The following COLQ variants were observed in gnomAD, a reference collection of about 807,000 sequenced individuals.
COLQ encodes acetylcholinesterase collagenic tail peptide.
In COLQ, 48 loss-of-function variants were observed where a neutral mutation model predicts 69.0. That is an observed-to-expected ratio of 0.70 (90% CI 0.55 to 0.88). COLQ has a LOEUF of 0.88. COLQ is among the 40% of genes least tolerant of loss of function. The probability of loss-of-function intolerance (pLI) is 0.00; values close to 1 mark genes in which losing one functional copy is unlikely to be tolerated. For synonymous variants in COLQ, 217 were observed against 211.2 expected, an observed-to-expected ratio of 1.03 and a Z score of -0.24; for missense variants, 618 against 594.6, an observed-to-expected ratio of 1.04 and a Z score of -0.41.
chr3:15,457,391 A>AAAAT (rs2062040201), intron 13 of COLQ, among the ~76,000 whole-genome samples: 1 of 151,958 alleles, frequency 6.6e-6, no homozygotes, highest in Non-Finnish European at 1.5e-5. Context: ...GGTTTACTTC[A>AAAAT]AAATAATACA....
At position 15,451,724 on chromosome 3, in the gene COLQ, C is replaced by A. The variant is rs752568982; in HGVS notation, c.1299-11G>T. Reference sequence around the variant, plus strand: ...AGGTCTCCATATGACCTGAGGGAGGCAAAGACACGTTCTAAAAGGCCACCT... The same window carrying A: ...AGGTCTCCATATGACCTGAGGGAGGAAAAGACACGTTCTAAAAGGCCACCT... On this transcript the variant is annotated splice_polypyrimidine_tract_variant and intron_variant, in intron 16 of 16. Transcript: ENST00000383788. 4 of 1,613,196 alleles carry A rather than the reference C, an allele frequency of 2.5e-6. No individual in the cohort carries two copies. Among genetic ancestry groups the A allele is most frequent in the South Asian group, 1.1e-5 (1 of 91,050 alleles).
chr3:15,458,660 C>A (rs1007459849), intron 12 of COLQ, among the ~76,000 whole-genome samples: 20 of 152,158 alleles, frequency 1.3e-4, no homozygotes, highest in Non-Finnish European at 7.4e-5. Context: ...GGGCCTGGGG[C>A]CCTGACAGTG....
chr3:15,461,700 A>C (rs1031406758), intron 12 of COLQ, among the ~76,000 whole-genome samples: 2 of 152,154 alleles, frequency 1.3e-5, no homozygotes, highest in African/African-American at 4.8e-5. Context: ...CCTTGCAGGC[A>C]TCACTTCTCT....
At position 15,521,403 on chromosome 3, in the gene COLQ, A is replaced by C. The variant is rs2063135649; in HGVS notation, c.106+117T>G. Reference sequence around the variant, plus strand: ...TGCTGGGGTGGCCGTCTTCCTTCCAACCTCCCTCCACCAACAGTTGAATGG... The same window carrying C: ...TGCTGGGGTGGCCGTCTTCCTTCCACCCTCCCTCCACCAACAGTTGAATGG... On this transcript the variant is annotated intron_variant, in intron 1 of 16. Coordinates refer to ENST00000383788, the MANE Select transcript of COLQ (RefSeq NM_005677.4). The C allele has an allele frequency of 4.3e-5, 60 of 1,390,720 alleles. 1 individual carries two copies. The South Asian group carries it at 7.3e-4, about 17-fold the overall frequency. 86.1% of individuals were successfully genotyped at this position (1,390,720 alleles called of 1,614,324 possible).
intron 1 of COLQ, among the ~76,000 whole-genome samples, chr3:15,502,137 T>TG (rs2062839230): frequency 7.2e-6 from 1 of 139,526 alleles, no homozygotes; most frequent in African/African-American, 2.7e-5. Context: ...TTTTTTGAGA[T>TG]GGAGTTTTGC....
At chr3:15,464,940 C>T (rs1202014631) in intron 12 of COLQ, among the ~76,000 whole-genome samples, 1 of 152,152 alleles carries the variant, frequency 6.6e-6, no homozygotes, top group Non-Finnish European at 1.5e-5. Context: ...CTTTGGGAGG[C>T]CGAGGTGGGC....
At chr3:15,467,910 C>G (rs1171538468) in intron 11 of COLQ, 3 of 456,738 alleles carry the variant, frequency 6.6e-6, no homozygotes, top group Non-Finnish European at 1.3e-5. Flanking sequence ...TTCTTGAACT[C>G]TGAATATGGG....
intron 1 of COLQ, among the ~76,000 whole-genome samples, chr3:15,499,552 TAC>T (rs1239453423): frequency 6.6e-6 from 1 of 152,242 alleles, no homozygotes; most frequent in Non-Finnish European, 1.5e-5. Flanking sequence ...TGTAAAAGTT[TAC>T]ACAAATATAG....
intron 3 of COLQ, among the ~76,000 whole-genome samples, chr3:15,481,080 C>T (rs1188775081): frequency 6.6e-6 from 1 of 151,908 alleles, no homozygotes; most frequent in Non-Finnish European, 1.5e-5. Flanking sequence ...TGGATATTAG[C>T]CCTTTGTAGA....
In COLQ at chr3:15,458,329, G is replaced by A; in HGVS notation, c.815-4C>T. On this transcript the variant is annotated splice_polypyrimidine_tract_variant and splice_region_variant and intron_variant, in intron 12 of 16. Transcript: ENST00000383788. ...TTGGGTCCCATTATAAGTTGTCCTA[G>A]GAAGCAACAGACTGCTGTGTTACTA... 3 of 1,614,008 alleles carry A rather than the reference G, an allele frequency of 1.9e-6. No homozygotes were observed. Among genetic ancestry groups the A allele is most frequent in the Non-Finnish European group, 2.5e-6 (3 of 1,179,972 alleles).
intron 1 of COLQ, among the ~76,000 whole-genome samples, chr3:15,519,983 T>A (rs78345826): frequency 0.055 from 8,322 of 152,300 alleles, 385 homozygotes; most frequent in Admixed American, 0.14. Context: ...CCTGGCCACA[T>A]GGTGCTTATA....
chr3:15,507,493 T>C (rs1439405709), intron 1 of COLQ, among the ~76,000 whole-genome samples: 1 of 152,214 alleles, frequency 6.6e-6, no homozygotes, highest in Non-Finnish European at 1.5e-5. Flanking sequence ...CTCACTCTGT[T>C]GCCCAGGCTG....
intron 5 of COLQ, chr3:15,478,674 G>A: frequency 1.9e-6 from 1 of 527,848 alleles, no homozygotes; most frequent in Non-Finnish European, 3.4e-6. Flanking sequence ...TTTCTCTGAT[G>A]GGTAGCAGAG....
chr3:15,479,417 T>C (rs1410762104), intron 3 of COLQ, 35 bp from the exon 4 acceptor site: 2 of 1,608,814 alleles, frequency 1.2e-6, no homozygotes, highest in African/African-American at 2.7e-5. Context: ...AGAAAGTATA[T>C]ATCAGTCTGA....
chr3:15,500,921 G>A (rs2062821241), intron 1 of COLQ, among the ~76,000 whole-genome samples: 2 of 152,154 alleles, frequency 1.3e-5, no homozygotes, highest in Non-Finnish European at 2.9e-5. Context: ...CTGTGGGTCT[G>A]GATTTTTCTA....
chr3:15,472,635 C>T (rs1169741918), intron 10 of COLQ, among the ~76,000 whole-genome samples: 2 of 152,160 alleles, frequency 1.3e-5, no homozygotes, highest in Admixed American at 6.5e-5. Context: ...GGAGCTGTTC[C>T]AAATGGCCAT....
At chr3:15,488,871 G>A (rs755193411) in intron 2 of COLQ, among the ~76,000 whole-genome samples, 24 of 152,260 alleles carry the variant, frequency 1.6e-4, no homozygotes, top group Non-Finnish European at 2.8e-4. Flanking sequence ...ACCTCAACTT[G>A]AACTAGCCAC....
In COLQ at chr3:15,479,015, G is replaced by A. The variant is rs2062430460; in HGVS notation, c.367-12C>T. ...CGGCCAAGCTCCCCCTATGGATGGA[G>A]AAGACAGGTAAGGAGAGGCTGCTTT... On this transcript the variant is annotated splice_polypyrimidine_tract_variant and intron_variant, in intron 4 of 16. Transcript: ENST00000383788. 1 of 1,614,084 alleles carries A rather than the reference G, an allele frequency of 6.2e-7. No individual in the cohort carries two copies. The highest frequency in any genetic ancestry group is 1.3e-5 in the African/African-American group (1 of 74,942).
intron 1 of COLQ, among the ~76,000 whole-genome samples, chr3:15,508,182 T>G (rs1012468062): frequency 6.6e-6 from 1 of 152,236 alleles, no homozygotes; most frequent in Non-Finnish European, 1.5e-5. Context: ...CATTCATTTG[T>G]AACTTATTCT....
Sources: allele counts gnomAD v4.1 joint callset (sites outside exome capture counted in the v4.1 genomes callset), GRCh38; gene constraint gnomAD v4.1.1; transcripts MANE v1.5; gene names NCBI Gene and HGNC (gene_info 2026-07-23, HGNC 2026-07-21).